GRB10: variants seen among roughly 807,000 people sequenced by gnomAD.
GRB10 encodes the protein growth factor receptor bound protein 10.
A neutral mutation model predicts 80.9 loss-of-function variants in GRB10; 20 were observed. The observed-to-expected ratio is 0.25, with a 90% CI of 0.17 to 0.36. The LOEUF is 0.36. GRB10 is among the 10% of genes least tolerant of loss of function. The pLI is 1.00. For missense variants in GRB10, 548 were observed against 747.7 expected (o/e 0.73, Z 3.12); for synonymous variants, 291 against 291.5 (o/e 1.00, Z 0.02).
At chr7:50,708,530 C>T (rs2065348160) in intron 4 of GRB10, among the ~76,000 whole-genome samples, 1 of 152,166 alleles carries the variant, frequency 6.6e-6, no homozygotes, top group African/African-American at 2.4e-5. Context: ...GGGTAATGAA[C>T]ACAGGGACAA....
chr7:50,780,382 C>T (rs919341411), intron 2 of GRB10, among the ~76,000 whole-genome samples: 1 of 152,142 alleles, frequency 6.6e-6, no homozygotes, highest in African/African-American at 2.4e-5. Context: ...CTCCTAGGGT[C>T]CACAGGACTC....
intron 3 of GRB10, among the ~76,000 whole-genome samples, chr7:50,742,740 G>C (rs1467983845): frequency 6.6e-6 from 1 of 152,010 alleles, no homozygotes; most frequent in African/African-American, 2.4e-5. Flanking sequence ...GGGAGGGGGT[G>C]GGGGGTAATA....
At chr7:50,768,190 G>A (rs946031931) in intron 2 of GRB10, among the ~76,000 whole-genome samples, 1 of 152,128 alleles carries the variant, frequency 6.6e-6, no homozygotes, top group Non-Finnish European at 1.5e-5. Context: ...GCGACAAACT[G>A]TGCAACGATA....
chr7:50,710,762 G>A, intron 4 of GRB10: 1 of 1,177,650 alleles, frequency 8.5e-7, no homozygotes, highest in Non-Finnish European at 1.3e-6. Context: ...ACCTTCCTGA[G>A]GCAGAACGAC....
intron 7 of GRB10, among the ~76,000 whole-genome samples, chr7:50,631,374 C>T (rs1255867714): frequency 7.9e-6 from 1 of 126,876 alleles, no homozygotes; most frequent in Non-Finnish European, 1.8e-5. Context: ...CACTGACCCA[C>T]AGTACCCGAG....
At chr7:50,693,613 T>A (rs1009733958) in intron 5 of GRB10, among the ~76,000 whole-genome samples, 6 of 152,176 alleles carry the variant, frequency 3.9e-5, no homozygotes, top group African/African-American at 1.4e-4. Context: ...TACTTACACT[T>A]CCTGGGTTAT....
chr7:50,641,466 G>GGA (rs1253203628), intron 7 of GRB10, among the ~76,000 whole-genome samples: 48 of 152,190 alleles, frequency 3.2e-4, no homozygotes, highest in Non-Finnish European at 5.1e-4. Context: ...CCTGGCACTA[G>GGA]TGTAACAAGG....
chr7:50,744,017 G>A (rs2072391449), intron 3 of GRB10, among the ~76,000 whole-genome samples: 1 of 152,134 alleles, frequency 6.6e-6, no homozygotes, highest in Non-Finnish European at 1.5e-5. Flanking sequence ...GAGGTGGGGT[G>A]ATGAAGGCCA....
intron 6 of GRB10, 75 bp from the exon 7 acceptor site, chr7:50,669,938 A>T: frequency 1.3e-6 from 2 of 1,521,378 alleles, no homozygotes; most frequent in Non-Finnish European, 1.8e-6. Flanking sequence ...GTGGTGATAC[A>T]CCCAGAAAGC....
chr7:50,617,782 G>A, intron 10 of GRB10: 1 of 500,410 alleles, frequency 2.0e-6, no homozygotes, highest in South Asian at 2.1e-5. Context: ...GCACCCCCTG[G>A]CCCACACTCA....
intron 7 of GRB10, among the ~76,000 whole-genome samples, chr7:50,651,123 C>T (rs954231631): frequency 2.0e-5 from 3 of 152,174 alleles, no homozygotes; most frequent in Non-Finnish European, 4.4e-5. Flanking sequence ...ATTCCTCCTA[C>T]GGTCTGATTT....
At chr7:50,720,690 A>C (rs1394049489) in intron 4 of GRB10, among the ~76,000 whole-genome samples, 1 of 152,208 alleles carries the variant, frequency 6.6e-6, no homozygotes, top group African/African-American at 2.4e-5. Context: ...TCAATCAGAA[A>C]GTAAGTAAAG....
At chr7:50,792,657 G>A (rs1323618843) in intron 1 of GRB10, 2 of 392,832 alleles carry the variant, frequency 5.1e-6, no homozygotes, top group African/African-American at 2.1e-5. Context: ...CCAAAAAAAA[G>A]GTCCTCCGTA....
chr7:50,784,616 G>A (rs1291396293), upstream of GRB10, among the ~76,000 whole-genome samples: 1 of 152,236 alleles, frequency 6.6e-6, no homozygotes, highest in South Asian at 2.1e-4. Context: ...AAGAGCAAGA[G>A]AGAAATGATC....
intron 5 of GRB10, among the ~76,000 whole-genome samples, chr7:50,690,456 T>C (rs2715120): frequency 0.053 from 8,117 of 152,304 alleles, 734 homozygotes; most frequent in African/African-American, 0.18. Flanking sequence ...AAGTATTCTT[T>C]CATCACTGAT....
intron 2 of GRB10, among the ~76,000 whole-genome samples, chr7:50,773,192 G>C (rs1215720345): frequency 2.0e-5 from 3 of 151,860 alleles, no homozygotes; most frequent in Non-Finnish European, 4.4e-5. Context: ...AATAGCATGG[G>C]AAAGACCCAA....
intron 12 of GRB10, among the ~76,000 whole-genome samples, chr7:50,613,161 A>G (rs2153577701): frequency 6.6e-6 from 1 of 152,324 alleles, no homozygotes; most frequent in East Asian, 1.9e-4. Flanking sequence ...ACAATAGGAC[A>G]AAGAGGAAGA....
intron 7 of GRB10, among the ~76,000 whole-genome samples, chr7:50,654,387 TCA>T (rs1210611105): frequency 6.6e-6 from 1 of 152,168 alleles, no homozygotes; most frequent in Non-Finnish European, 1.5e-5. Flanking sequence ...CTGCCAAGCC[TCA>T]CAGAGTCCCA....
upstream of GRB10, among the ~76,000 whole-genome samples, chr7:50,786,886 C>G (rs1171567880): frequency 1.3e-5 from 2 of 152,188 alleles, no homozygotes; most frequent in Non-Finnish European, 2.9e-5. Context: ...ACCCAGCCTG[C>G]TGAAAGCAGA....
Sources: allele counts gnomAD v4.1 joint callset (sites outside exome capture counted in the v4.1 genomes callset), GRCh38; gene constraint gnomAD v4.1.1; transcripts MANE v1.5; gene names NCBI Gene and HGNC (gene_info 2026-07-23, HGNC 2026-07-21).